TMEM145: variants seen among roughly 807,000 people sequenced by gnomAD.
TMEM145 encodes the protein transmembrane protein 145.
A neutral mutation model predicts 68.5 loss-of-function variants in TMEM145; 46 were observed. The observed-to-expected ratio is 0.67, with a 90% CI of 0.53 to 0.86. The LOEUF (loss-of-function observed/expected upper bound fraction) is 0.86, where lower values mean the gene tolerates loss of function less well. Among genes scored for constraint, TMEM145 ranks in the 40% least tolerant of loss-of-function variants. The pLI is 0.00. For synonymous variants in TMEM145, 255 were observed against 280.2 expected (o/e 0.91, Z 0.90); for missense variants, 570 against 645.8 (o/e 0.88, Z 1.27).
In TMEM145 at chr19:42,324,931, C is replaced by T. The variant is rs1303595270; in HGVS notation, c.*114C>T. ...ATGCTGGTCTCGACCCTGAAACCCT[C>T]CCTCGGATCTGTGACCTCGGACCCG... On this transcript the variant is annotated 3_prime_UTR_variant, in exon 15 of 15. Transcript: ENST00000301204. 2.3e-6 allele frequency: 3 copies of T among 1,312,996 alleles called. No homozygotes were observed. Among genetic ancestry groups the T allele is most frequent in the Admixed American group, 4.1e-5 (1 of 24,394 alleles). The allele number at this position is 1,312,996 out of a possible 1,614,324, so 81.3% of individuals were successfully genotyped here.
intron 13 of TMEM145, chr19:42,321,939 AG>A (rs1367105019): frequency 6.6e-6 from 1 of 152,292 alleles, no homozygotes; most frequent in East Asian, 1.9e-4. Context: ...CCCAGAGAGG[AG>A]AAGTGACGTG....
intron 4 of TMEM145, 41 bp from the exon 5 acceptor site, chr19:42,314,751 G>A: frequency 1.9e-6 from 3 of 1,614,040 alleles, no homozygotes; most frequent in Non-Finnish European, 2.5e-6. Flanking sequence ...GAAGCCTTCG[G>A]GGCATCAAGG....
intron 12 of TMEM145, among the ~76,000 whole-genome samples, chr19:42,318,143 G>A (rs552814877): frequency 2.0e-5 from 3 of 151,990 alleles, no homozygotes; most frequent in South Asian, 2.1e-4. Flanking sequence ...CGAGGTGGGC[G>A]TATCACAAGG....
chr19:42,315,898 C>T (rs1034305882), intron 8 of TMEM145, among the ~76,000 whole-genome samples: 14 of 152,028 alleles, frequency 9.2e-5, no homozygotes, highest in Non-Finnish European at 1.6e-4. Flanking sequence ...GACATGGTGG[C>T]GTGTGCGTGT....
In TMEM145 at chr19:42,313,331, G is replaced by T; in HGVS notation, c.-46G>T. ...CCCGCGCGCTCTCGCCTCCATTGCC[G>T]GGCCAGTGCGGGAGCCGGAGCGGAG... On this transcript the variant is annotated 5_prime_UTR_variant, in exon 1 of 15. Transcript: ENST00000301204. This position sits in a 1 kb window ranked among gnomAD's most constrained non-coding sequence, Gnocchi z 5.1. 2.6e-6 allele frequency: 2 copies of T among 763,212 alleles called. No homozygotes were observed. The highest frequency in any genetic ancestry group is 5.9e-5 in the South Asian group (1 of 16,880). 47.3% of individuals were successfully genotyped at this position (763,212 alleles called of 1,614,324 possible).
chr19:42,322,714 T>G (rs1228178964), intron 13 of TMEM145, among the ~76,000 whole-genome samples: 1 of 151,866 alleles, frequency 6.6e-6, no homozygotes, highest in African/African-American at 2.4e-5. Context: ...TTAAATTTTT[T>G]TTTTTTGAGA....
chr19:42,323,427 T>G (rs1568550030), intron 13 of TMEM145, among the ~76,000 whole-genome samples, 156 bp from the exon 14 acceptor site: 1 of 152,108 alleles, frequency 6.6e-6, no homozygotes. Flanking sequence ...GTCCAGGGCA[T>G]TTGGAGAGCC....
intron 14 of TMEM145, 66 bp from the exon 15 acceptor site, chr19:42,324,671 T>C: frequency 6.0e-6 from 2 of 331,428 alleles, no homozygotes; most frequent in East Asian, 2.2e-4. Context: ...GTACGCTGCG[T>C]CCCGCCCCCC....
intron 12 of TMEM145, among the ~76,000 whole-genome samples, chr19:42,318,393 G>C (rs959419443): frequency 2.9e-5 from 4 of 137,758 alleles, no homozygotes; most frequent in African/African-American, 1.1e-4. Flanking sequence ...AAACCAAACA[G>C]GATCTCCTCA....
At chr19:42,320,469 G>A (rs761690898) in intron 13 of TMEM145, 32 bp downstream of exon 13, 1 of 1,612,774 alleles carries the variant, frequency 6.2e-7, no homozygotes, top group African/African-American at 1.3e-5. Flanking sequence ...GGGTGGAGGG[G>A]AGGACCCGAG....
At chr19:42,314,874 T>C (rs2038839323) in intron 5 of TMEM145, 23 bp downstream of exon 5, 1 of 1,614,162 alleles carries the variant, frequency 6.2e-7, no homozygotes, top group Non-Finnish European at 8.5e-7. Context: ...TGGTGGTATA[T>C]TGCGCTCAGC....
intron 14 of TMEM145, among the ~76,000 whole-genome samples, chr19:42,324,025 C>T (rs1359914439): frequency 2.0e-5 from 3 of 151,862 alleles, no homozygotes; most frequent in Non-Finnish European, 4.4e-5. Flanking sequence ...TGCGCCGTGC[C>T]CCCACCGCCC....
chr19:42,320,134 C>T (rs1340627075), intron 12 of TMEM145, among the ~76,000 whole-genome samples, 183 bp from the exon 13 acceptor site: 1 of 152,200 alleles, frequency 6.6e-6, no homozygotes, highest in Non-Finnish European at 1.5e-5. Context: ...CCTTCTTGCC[C>T]CTCAGAATTT....
At position 42,323,717 on chromosome 19, in the gene TMEM145, G is replaced by A; in HGVS notation, c.1329G>A (p.Gly443=). The A allele has an allele frequency of 2.5e-6, 4 of 1,614,192 alleles. No homozygotes were observed. The highest frequency in any genetic ancestry group is 3.4e-6 in the Non-Finnish European group (4 of 1,180,028). Residue 443 remains glycine, a synonymous_variant, in exon 14 of 15, where the codon GGG becomes GGA. Coordinates refer to ENST00000301204, the MANE Select transcript of TMEM145 (RefSeq NM_173633.3). ...ADKAFPQHVY[G]NVTFISDSVP... ...AGGCCTTCCCGCAGCACGTCTATGG[G>A]AACGTGACGTTTATCAGCGACTCGG... is the stretch of plus-strand genomic sequence containing the variant.
At chr19:42,321,426 G>T (rs1415391627) in intron 13 of TMEM145, 2 of 262,230 alleles carry the variant, frequency 7.6e-6, no homozygotes, top group East Asian at 5.7e-5. Context: ...GTCTTGCTCT[G>T]TTGCCCAGGC....
chr19:42,317,804 T>C lies in TMEM145; in HGVS notation c.996T>C (p.Tyr332=), dbSNP rs956777924. The C allele has an allele frequency of 2.5e-6, 4 of 1,614,210 alleles. No homozygotes were observed. The highest frequency in any genetic ancestry group is 3.4e-6 in the Non-Finnish European group (4 of 1,180,036). The change falls in exon 12 of 15, where the codon TAT becomes TAC. Residue 332 remains tyrosine (Y), a synonymous_variant. Coordinates refer to ENST00000301204, the MANE Select transcript of TMEM145 (RefSeq NM_173633.3). The stretch of plus-strand genomic sequence containing the variant: ...TGGCGGCCTACGTGTGGTTCTGCTA[T>C]GCTGTGCTTGTCTCACTGCGACACT... ...LQVAAYVWFC[Y]AVLVSLRHFP...
At chr19:42,314,122 G>T (rs898160159) in intron 1 of TMEM145, 150 bp from the exon 2 acceptor site, 50 of 768,316 alleles carry the variant, frequency 6.5e-5, no homozygotes, top group African/African-American at 6.2e-4. Flanking sequence ...CACAGTGACG[G>T]GATCAGGGAA....
chr19:42,317,744 G>A lies in TMEM145; in HGVS notation c.936G>A (p.Glu312=). The A allele has an allele frequency of 1.2e-6, 2 of 1,614,204 alleles. No individual in the cohort carries two copies. The highest frequency in any genetic ancestry group is 1.7e-5 in the Admixed American group (1 of 60,018). Residue 312 remains glutamate (E), a synonymous_variant, in exon 12 of 15, where the codon GAG becomes GAA. Transcript: ENST00000301204. The part of the protein sequence containing the change: ...FDPGQVLYTY[E]SPAGYGLIGL... ...CAGGCCAGGTACTGTACACGTATGA[G>A]TCGCCGGCCGGCTACGGGCTCATTG...
chr19:42,325,025 C>G lies in TMEM145; in HGVS notation c.*208C>G. 1 of 729,040 alleles carries G rather than the reference C, an allele frequency of 1.4e-6. No homozygotes were observed. 45.2% of individuals were successfully genotyped at this position (729,040 alleles called of 1,614,324 possible). A position where few individuals can be genotyped will look rare whatever the true frequency, so the allele number is the denominator to read the frequency against. ...TCCCTGGCAGAAAGACATTTTACCC[C>G]TTCTTGCCAAAATAAAAAAGGATTC... On this transcript the variant is annotated 3_prime_UTR_variant, in exon 15 of 15. Coordinates refer to ENST00000301204, the MANE Select transcript of TMEM145 (RefSeq NM_173633.3).
Sources: allele counts gnomAD v4.1 joint callset (sites outside exome capture counted in the v4.1 genomes callset), GRCh38; gene constraint gnomAD v4.1.1; non-coding constraint Gnocchi (gnomAD v3.1); transcripts MANE v1.5; gene names NCBI Gene and HGNC (gene_info 2026-07-23, HGNC 2026-07-21).